DCC: variants seen among roughly 807,000 people sequenced by gnomAD.
DCC encodes netrin receptor DCC.
A neutral mutation model predicts 172.5 loss-of-function variants in DCC; 58 were observed. The ratio of observed to expected loss-of-function variants is 0.34; its 90% CI spans 0.27 to 0.42. The LOEUF (loss-of-function observed/expected upper bound fraction) is 0.42, where lower values mean the gene tolerates loss of function less well. Ranked by LOEUF, DCC falls within the 10% of genes least tolerant of loss-of-function variation. The pLI, the probability that DCC is intolerant of heterozygous loss-of-function variation, is 1.00. For synonymous variants in DCC, 709 were observed against 644.5 expected, an observed-to-expected ratio of 1.10 and a Z score of -1.52; for missense variants, 1,740 against 1,791.0, an observed-to-expected ratio of 0.97 and a Z score of 0.51.
At chr18:53,269,068 A>T (rs2056716673) in intron 12 of DCC, among the ~76,000 whole-genome samples, 1 of 152,126 alleles carries the variant, frequency 6.6e-6, no homozygotes, top group Non-Finnish European at 1.5e-5. Context: ...AGTTCACAAC[A>T]ATTATCCTGA....
At position 53,335,192 on chromosome 18, in the gene DCC, A is replaced by G. The variant is rs1228962389; in HGVS notation, c.2165-4521A>G. On this transcript the variant is annotated intron_variant, in intron 14 of 28. Coordinates refer to ENST00000442544, the MANE Select transcript of DCC (RefSeq NM_005215.4). ...CAGTAGTTGTTTCCTCTCCCTACAG[A>G]GCTCACCACTCTGATGTTTGCTTGA... Among the ~76,000 whole-genome samples, 3 of 152,052 alleles carry G rather than the reference A, an allele frequency of 2.0e-5. No individual in the cohort carries two copies. The East Asian group carries it at 5.8e-4, about 29-fold the overall frequency.
chr18:52,453,664 T>C (rs187043161), intron 1 of DCC, among the ~76,000 whole-genome samples: 22 of 152,326 alleles, frequency 1.4e-4, no homozygotes, highest in Admixed American at 9.1e-4. Context: ...CCCTCTATTA[T>C]TTGAGAATAC....
intron 1 of DCC, among the ~76,000 whole-genome samples, chr18:52,378,186 A>T (rs887917677): frequency 9.2e-5 from 14 of 152,128 alleles, no homozygotes; most frequent in Non-Finnish European, 1.8e-4. Flanking sequence ...ACTCATGCTT[A>T]TTTAGGAAAG....
At chr18:52,795,092 GT>G (rs569693569) in intron 2 of DCC, among the ~76,000 whole-genome samples, 2 of 151,848 alleles carry the variant, frequency 1.3e-5, no homozygotes, top group African/African-American at 4.8e-5. Flanking sequence ...AGGTTTTTGT[GT>G]TTTTTTAAAA....
At chr18:53,328,086 G>C (rs1056128569) in intron 14 of DCC, among the ~76,000 whole-genome samples, 1 of 152,198 alleles carries the variant, frequency 6.6e-6, no homozygotes, top group Admixed American at 6.5e-5. Flanking sequence ...ATCTGTTTCA[G>C]TTCCGGTGCA....
At chr18:52,745,305 G>A (rs754220104) in intron 1 of DCC, among the ~76,000 whole-genome samples, 1 of 152,122 alleles carries the variant, frequency 6.6e-6, no homozygotes, top group Non-Finnish European at 1.5e-5. Flanking sequence ...TGGCAAGATA[G>A]TAGAAGGGAC....
chr18:53,292,248 A>T (rs531425918), intron 12 of DCC, among the ~76,000 whole-genome samples: 2 of 151,580 alleles, frequency 1.3e-5, no homozygotes, highest in African/African-American at 2.4e-5. Flanking sequence ...GGATTAATTG[A>T]TTTTTCTTTA....
chr18:53,135,484 G>T lies in DCC; in HGVS notation c.1262-21872G>T, dbSNP rs556519259. On this transcript the variant is annotated intron_variant, in intron 7 of 28. Coordinates refer to ENST00000442544, the MANE Select transcript of DCC (RefSeq NM_005215.4). ...TTTTTACACTCCTTATCCCACATCT[G>T]AATATAATTGTCTAGGATTGCAGGA... 5.9e-5 allele frequency among the ~76,000 whole-genome samples: 9 copies of T among 152,264 alleles called. No homozygotes were observed. In the East Asian group the frequency reaches 1.2e-3, roughly 20 times the overall value.
At chr18:53,177,666 G>A (rs1013999967) in intron 8 of DCC, among the ~76,000 whole-genome samples, 1 of 152,162 alleles carries the variant, frequency 6.6e-6, no homozygotes, top group African/African-American at 2.4e-5. Context: ...AGAGAACATG[G>A]TGAATTACCC....
chr18:52,887,428 G>C (rs1000209107), intron 2 of DCC, among the ~76,000 whole-genome samples: 2 of 151,914 alleles, frequency 1.3e-5, no homozygotes, highest in African/African-American at 4.8e-5. Context: ...TGTCATCTTA[G>C]CTGCAAAAGG....
intron 2 of DCC, among the ~76,000 whole-genome samples, chr18:52,888,342 T>C (rs2039598459): frequency 6.6e-6 from 1 of 151,680 alleles, no homozygotes; most frequent in Non-Finnish European, 1.5e-5. Flanking sequence ...CAGTGGATAA[T>C]ACAATTTAAA....
At chr18:53,484,274 G>A (rs529103780) in intron 25 of DCC, among the ~76,000 whole-genome samples, 2 of 151,508 alleles carry the variant, frequency 1.3e-5, no homozygotes, top group South Asian at 2.1e-4. Context: ...TTTCTAGGAG[G>A]TTCACAATAA....
At chr18:53,051,225 G>T (rs1039792411) in intron 5 of DCC, among the ~76,000 whole-genome samples, 1 of 152,056 alleles carries the variant, frequency 6.6e-6, no homozygotes, top group African/African-American at 2.4e-5. Flanking sequence ...GAGACATTGT[G>T]TCTAAATAAA....
At chr18:52,424,148 C>T (rs571707380) in intron 1 of DCC, among the ~76,000 whole-genome samples, 1 of 152,120 alleles carries the variant, frequency 6.6e-6, no homozygotes, top group African/African-American at 2.4e-5. Flanking sequence ...TGCATTGGAT[C>T]TCACTCAACA....
chr18:53,512,255 C>T (rs2046266188), intron 27 of DCC, among the ~76,000 whole-genome samples: 1 of 150,802 alleles, frequency 6.6e-6, no homozygotes, highest in Non-Finnish European at 1.5e-5. Context: ...AGGGTCCTGT[C>T]TGTTAGAAGG....
At chr18:53,242,897 T>C (rs1174662876) in intron 12 of DCC, among the ~76,000 whole-genome samples, 1 of 150,028 alleles carries the variant, frequency 6.7e-6, no homozygotes, top group African/African-American at 2.5e-5. Context: ...TGTGTGTGTG[T>C]GTGTGTTTGT....
At chr18:52,638,688 CTAATTGTTTTAG>C (rs2034830451) in intron 1 of DCC, among the ~76,000 whole-genome samples, 1 of 151,766 alleles carries the variant, frequency 6.6e-6, no homozygotes, top group Middle Eastern at 3.2e-3. Flanking sequence ...AAAACAATTA[CTAATTGTTTTAG>C]TAATGAGATA....
intron 7 of DCC, among the ~76,000 whole-genome samples, chr18:53,127,604 T>C (rs1165887713): frequency 6.6e-6 from 1 of 152,148 alleles, no homozygotes; most frequent in East Asian, 1.9e-4. Flanking sequence ...CTGTTTATGT[T>C]TGGCAGAAAT....
At chr18:53,250,131 A>T (rs972975613) in intron 12 of DCC, among the ~76,000 whole-genome samples, 2 of 151,872 alleles carry the variant, frequency 1.3e-5, no homozygotes, top group Admixed American at 6.6e-5. Flanking sequence ...CCGTTTTTTT[A>T]AAATGGGGTG....
Sources: gnomAD v4.1 joint callset for allele counts (sites outside exome capture counted in the v4.1 genomes callset) on GRCh38, gnomAD v4.1.1 for gene constraint, MANE v1.5 for transcripts, NCBI Gene and HGNC (gene_info 2026-07-23, HGNC 2026-07-21) for gene names.